Variants in WASL observed in about 807,000 individuals in gnomAD.
WASL encodes WASP like actin nucleation promoting factor.
A neutral mutation model predicts 55.5 loss-of-function variants in WASL; 20 were observed. The observed-to-expected ratio is 0.36, with a 90% CI of 0.25 to 0.52. WASL has a LOEUF of 0.52. Ranked by LOEUF, WASL falls within the 20% of genes least tolerant of loss-of-function variation. The pLI is 0.92. For synonymous variants in WASL, 249 were observed against 217.6 expected (o/e 1.14, Z -1.27); for missense variants, 504 against 622.5 (o/e 0.81, Z 2.03).
Position 123,689,111 on chromosome 7 carries a change from G to A in WASL, c.1387C>T (p.Pro463Ser), listed in dbSNP as rs894546801. 8.7e-6 allele frequency: 14 copies of A among 1,614,028 alleles called. No individual in the cohort carries two copies. Among genetic ancestry groups the A allele is most frequent in the Non-Finnish European group, 1.2e-5 (14 of 1,180,004 alleles). The change falls in exon 10 of 11, where the codon CCC becomes TCC. Residue 463 changes from proline (P) to serine (S), a missense_variant. Coordinates refer to ENST00000223023, the MANE Select transcript of WASL (RefSeq NM_003941.4). ...GQESTPPTPA[P>S]TSGIVGALME... is the part of the protein sequence containing the mutation. ...AATGCACCCACAATTCCTGAAGTGG[G>A]TGCAGGTGTTGGTGGTGTAGACTCT... is the stretch of plus-strand genomic sequence containing the variant.
At chr7:123,731,365 T>C (rs1255145766) in intron 1 of WASL, among the ~76,000 whole-genome samples, 1 of 152,152 alleles carries the variant, frequency 6.6e-6, no homozygotes, top group African/African-American at 2.4e-5. Flanking sequence ...TCTATTTTAC[T>C]TAGAGACTTC....
chr7:123,741,135 C>T lies in WASL; in HGVS notation c.117+7483G>A, dbSNP rs547215749. The stretch of plus-strand genomic sequence containing the variant: ...GATGATGTCCTGTCCAGGGTTGGTT[C>T]TTGCCTTGTACCCTGAGCTGCCAGG... On this transcript the variant is annotated intron_variant, in intron 1 of 10. Transcript: ENST00000223023. Among the ~76,000 whole-genome samples the T allele has an allele frequency of 3.3e-5, 5 of 152,266 alleles. No homozygotes were observed. The East Asian group carries it at 9.7e-4, about 29-fold the overall frequency.
At chr7:123,701,261 CAA>C (rs1280124926) in intron 5 of WASL, among the ~76,000 whole-genome samples, 3 of 152,078 alleles carry the variant, frequency 2.0e-5, no homozygotes, top group African/African-American at 7.2e-5. Context: ...TTTTAAAAAA[CAA>C]ATGACAAATT....
At position 123,706,316 on chromosome 7, in the gene WASL, C is replaced by A; in HGVS notation, c.397G>T (p.Ala133Ser). 6.2e-7 allele frequency: 1 copy of A among 1,613,584 alleles called. No homozygotes were observed. The part of the protein sequence containing the change: ...NEEEAKKFRK[A>S]VTDLLGRRQR... ...CGACGGCCCAAAAGGTCTGTAACTG[C>A]TTTTCGAAATTTTTTTGCTTCTTCT... Residue 133 changes from alanine (A) to serine (S), a missense_variant, in exon 4 of 11, where the codon GCA (alanine) becomes TCA (serine). Coordinates refer to ENST00000223023, the MANE Select transcript of WASL (RefSeq NM_003941.4).
intron 1 of WASL, among the ~76,000 whole-genome samples, chr7:123,718,138 T>A (rs1803875999): frequency 6.6e-6 from 1 of 152,256 alleles, no homozygotes; most frequent in African/African-American, 2.4e-5. Flanking sequence ...AATAAGCTAC[T>A]TGTCTAAATT....
At chr7:123,747,256 T>G (rs934747889) in intron 1 of WASL, among the ~76,000 whole-genome samples, 1 of 152,232 alleles carries the variant, frequency 6.6e-6, no homozygotes, top group Non-Finnish European at 1.5e-5. Flanking sequence ...ATCAGTTTTC[T>G]CATTTGTTGA....
chr7:123,685,897 AAT>A (rs1235329558), intron 10 of WASL, among the ~76,000 whole-genome samples: 1 of 147,928 alleles, frequency 6.8e-6, no homozygotes, highest in East Asian at 1.9e-4. Flanking sequence ...TATGTATATA[AAT>A]ATATATATAG....
At chr7:123,721,745 G>A (rs941154225) in intron 1 of WASL, among the ~76,000 whole-genome samples, 34 of 152,158 alleles carry the variant, frequency 2.2e-4, no homozygotes, top group African/African-American at 1.7e-4. Context: ...AAACCCTGTC[G>A]CTACTAAAAA....
intron 5 of WASL, among the ~76,000 whole-genome samples, chr7:123,697,333 A>C (rs1349306986): frequency 1.3e-5 from 2 of 152,184 alleles, no homozygotes; most frequent in Non-Finnish European, 2.9e-5. Flanking sequence ...TAAAACACAA[A>C]AATTCTTAAA....
At chr7:123,699,210 C>T (rs904517533) in intron 5 of WASL, among the ~76,000 whole-genome samples, 15 of 151,914 alleles carry the variant, frequency 9.9e-5, no homozygotes, top group African/African-American at 2.4e-4. Flanking sequence ...ATGGTGAAAC[C>T]GCGCCTCTAA....
At position 123,689,006 on chromosome 7, in the gene WASL, G is replaced by GTCTC. The variant is rs3035629; in HGVS notation, c.1456+32_1456+35dup. On this transcript the variant is annotated intron_variant, in intron 10 of 10. Coordinates refer to ENST00000223023, the MANE Select transcript of WASL (RefSeq NM_003941.4). Reference sequence around the variant, plus strand: ...TTAAACACACACGCACACTCTCTCTGTCTCTCTCTCTCTCTCTCTCTCTCT... The same window carrying GTCTC: ...TTAAACACACACGCACACTCTCTCTGTCTCTCTCTCTCTCTCTCTCTCTCTCTCT... 9.5e-4 allele frequency: 1,219 copies of GTCTC among 1,278,456 alleles called. 3 individuals are homozygous for GTCTC. The highest frequency in any genetic ancestry group is 2.7e-3 in the African/African-American group (180 of 65,598). 79.2% of individuals were successfully genotyped at this position (1,278,456 alleles called of 1,614,324 possible). A position where few individuals can be genotyped will look rare whatever the true frequency, so the allele number is the denominator to read the frequency against.
At chr7:123,691,957 G>C (rs896706132) in intron 9 of WASL, among the ~76,000 whole-genome samples, 1 of 152,118 alleles carries the variant, frequency 6.6e-6, no homozygotes, top group African/African-American at 2.4e-5. Context: ...TTATTTGAAA[G>C]TAAAGTCTAG....
intron 1 of WASL, among the ~76,000 whole-genome samples, chr7:123,741,141 T>G (rs973747613): frequency 1.3e-5 from 2 of 152,172 alleles, no homozygotes; most frequent in African/African-American, 4.8e-5. Context: ...GGTTCTTGCC[T>G]TGTACCCTGA....
At chr7:123,730,416 TGGGA>T (rs772292545) in intron 1 of WASL, among the ~76,000 whole-genome samples, 9 of 151,862 alleles carry the variant, frequency 5.9e-5, no homozygotes, top group Non-Finnish European at 1.0e-4. Context: ...TGGGGAGGGA[TGGGA>T]GGAAGAAAAT....
rs551658430 is a variant in WASL at position 123,738,897 on chromosome 7, C to CA, written c.117+9720dup. On this transcript the variant is annotated intron_variant, in intron 1 of 10. Transcript: ENST00000223023. ...TGAGCAAAACAAAAACAAAAAACTG[C>CA]AAAAAAAAAACCCAAAATCTCAAAC... is the stretch of plus-strand genomic sequence containing the variant. Among the ~76,000 whole-genome samples the CA allele has an allele frequency of 2.9e-3, 419 of 144,866 alleles. 1 individual carries two copies. Among genetic ancestry groups the CA allele is most frequent in the East Asian group, 0.01 (52 of 4,994 alleles).
chr7:123,734,781 C>A (rs1804198284), intron 1 of WASL, among the ~76,000 whole-genome samples: 1 of 151,880 alleles, frequency 6.6e-6, no homozygotes, highest in Non-Finnish European at 1.5e-5. Context: ...AGACTTAAAT[C>A]TAACGTCAAC....
At chr7:123,717,370 T>C (rs1803862999) in intron 1 of WASL, among the ~76,000 whole-genome samples, 1 of 151,784 alleles carries the variant, frequency 6.6e-6, no homozygotes, top group Non-Finnish European at 1.5e-5. Context: ...CAGCAGCAAC[T>C]GTAGCCTCAT....
intron 9 of WASL, among the ~76,000 whole-genome samples, chr7:123,690,005 C>G (rs955109021): frequency 6.6e-6 from 1 of 152,050 alleles, no homozygotes. Context: ...CAAAGTGGTT[C>G]CCCCTAAGAT....
chr7:123,719,942 T>C (rs1255460527), intron 1 of WASL, among the ~76,000 whole-genome samples: 5 of 152,200 alleles, frequency 3.3e-5, no homozygotes, highest in African/African-American at 7.2e-5. Context: ...TGAGTTCCCA[T>C]AGTGCCTAGG....
Sources: allele counts gnomAD v4.1 joint callset (sites outside exome capture counted in the v4.1 genomes callset), GRCh38; gene constraint gnomAD v4.1.1; transcripts MANE v1.5; gene names NCBI Gene and HGNC (gene_info 2026-07-23, HGNC 2026-07-21).